The following SOX5 variants were observed in gnomAD, a reference collection of about 807,000 sequenced individuals.
SOX5 encodes SRY-box transcription factor 5, also known as transcription factor SOX-5.
In SOX5, 9 loss-of-function variants were observed where a neutral mutation model predicts 92.0. That is an observed-to-expected ratio of 0.10 (90% CI 0.06 to 0.17). The LOEUF is 0.17. SOX5 is among the 10% of genes least tolerant of loss of function. The pLI, the probability that SOX5 is intolerant of heterozygous loss-of-function variation, is 1.00. For synonymous variants in SOX5, 344 were observed against 336.3 expected (o/e 1.02, Z -0.25); for missense variants, 642 against 944.5 (o/e 0.68, Z 4.20).
chr12:24,540,680 C>T (rs534132084), intron 1 of SOX5, among the ~76,000 whole-genome samples: 6 of 152,054 alleles, frequency 3.9e-5, no homozygotes, highest in Non-Finnish European at 7.4e-5. Flanking sequence ...AAGACAATTT[C>T]GAGAGAGGAA....
chr12:24,334,975 T>C (rs1313856390), intron 2 of SOX5, among the ~76,000 whole-genome samples: 1 of 152,148 alleles, frequency 6.6e-6, no homozygotes, highest in Non-Finnish European at 1.5e-5. Context: ...TTCTCTGATA[T>C]AATGTAATTT....
rs1393052270 is a variant in SOX5 at position 23,942,627 on chromosome 12, G to A, written c.38+6937C>T. Among the ~76,000 whole-genome samples the A allele has an allele frequency of 2.0e-5, 3 of 148,074 alleles. No homozygotes were observed. In the Admixed American group the frequency reaches 2.0e-4, roughly 10 times the overall value. On this transcript the variant is annotated intron_variant, in intron 1 of 14. Transcript: ENST00000451604. The stretch of plus-strand genomic sequence containing the variant: ...CCAATTGATCTAACTCCCTTAAACT[G>A]CCAATATCAAAATCATATAAGGCTC...
At chr12:24,558,868 T>G (rs1341296696) in intron 1 of SOX5, among the ~76,000 whole-genome samples, 1 of 152,228 alleles carries the variant, frequency 6.6e-6, no homozygotes, top group Non-Finnish European at 1.5e-5. Context: ...CTGATCATAA[T>G]TGGATTAAGA....
intron 4 of SOX5, among the ~76,000 whole-genome samples, chr12:24,161,568 T>A (rs1952757372): frequency 6.6e-6 from 1 of 151,984 alleles, no homozygotes. Context: ...AATTAAGAAA[T>A]AATATTATAA....
chr12:24,353,125 C>A (rs11047385), intron 2 of SOX5, among the ~76,000 whole-genome samples: 9,109 of 152,186 alleles, frequency 0.06, 392 homozygotes, highest in Non-Finnish European at 0.087. Flanking sequence ...GTAATAAATA[C>A]CCTGCTGTAA....
intron 4 of SOX5, among the ~76,000 whole-genome samples, chr12:23,968,528 A>T (rs1232644268): frequency 6.6e-6 from 1 of 152,164 alleles, no homozygotes; most frequent in East Asian, 1.9e-4. Context: ...ATCAAAGGAC[A>T]AATCCGCCCC....
At chr12:23,886,286 T>C (rs1344653228) in intron 2 of SOX5, among the ~76,000 whole-genome samples, 1 of 152,232 alleles carries the variant, frequency 6.6e-6, no homozygotes, top group Non-Finnish European at 1.5e-5. Context: ...GACTCCCTTA[T>C]GTTATTTTTA....
intron 8 of SOX5, among the ~76,000 whole-genome samples, chr12:23,623,514 C>T (rs2077419281): frequency 1.3e-5 from 2 of 152,044 alleles, no homozygotes; most frequent in Non-Finnish European, 2.9e-5. Flanking sequence ...TACTTAGAAA[C>T]AGTGTTATTC....
chr12:24,177,329 T>A (rs931263155), intron 4 of SOX5, among the ~76,000 whole-genome samples: 3 of 152,178 alleles, frequency 2.0e-5, no homozygotes, highest in African/African-American at 7.2e-5. Context: ...CAAAGACCCC[T>A]TTTAACCACC....
chr12:24,102,753 T>C (rs1946235562), intron 4 of SOX5, among the ~76,000 whole-genome samples: 1 of 152,234 alleles, frequency 6.6e-6, no homozygotes, highest in Non-Finnish European at 1.5e-5. Flanking sequence ...CTAATTCAGT[T>C]TCACTGATGA....
chr12:23,685,659 T>C (rs1484825879), intron 6 of SOX5, among the ~76,000 whole-genome samples: 1 of 146,658 alleles, frequency 6.8e-6, no homozygotes, highest in African/African-American at 2.5e-5. Flanking sequence ...TACAGAACCC[T>C]AATTATGAAA....
rs1353534191 is a variant in SOX5, at chr12:23,640,824, T to C, written c.1005A>G (p.Pro335=). 1.2e-6 allele frequency: 2 copies of C among 1,613,454 alleles called. No homozygotes were observed. Among genetic ancestry groups the C allele is most frequent in the East Asian group, 2.2e-5 (1 of 44,864 alleles). The change falls in exon 8 of 15, where the codon CCA becomes CCG. Residue 335 remains proline, a synonymous_variant. Transcript: ENST00000451604. ...TTTCCTGACTTACCTGCAGTTGGAG[T>C]GGGCCTAAGCCTGGTGTTGCTGCGG... ...AAAAATPGLG[P]LQLQQLYAAQ...
At chr12:24,290,548 T>A (rs182690056) in intron 2 of SOX5, among the ~76,000 whole-genome samples, 1 of 152,282 alleles carries the variant, frequency 6.6e-6, no homozygotes, top group East Asian at 1.9e-4. Flanking sequence ...GCTACACAAC[T>A]GGTCAGTGTT....
chr12:24,432,879 C>T (rs1296528290), intron 1 of SOX5, among the ~76,000 whole-genome samples: 1 of 151,990 alleles, frequency 6.6e-6, no homozygotes, highest in Non-Finnish European at 1.5e-5. Context: ...AGAGTATGAT[C>T]CAACTCTTAT....
At chr12:23,663,196 G>C (rs1015200763) in intron 7 of SOX5, among the ~76,000 whole-genome samples, 1 of 152,182 alleles carries the variant, frequency 6.6e-6, no homozygotes, top group African/African-American at 2.4e-5. Context: ...CTTAGTTCTA[G>C]AGTTTGGTGT....
At chr12:24,041,704 G>A (rs1956543383) in intron 4 of SOX5, among the ~76,000 whole-genome samples, 1 of 152,036 alleles carries the variant, frequency 6.6e-6, no homozygotes, top group African/African-American at 2.4e-5. Context: ...AAACACAGGG[G>A]AAATATAAAA....
intron 2 of SOX5, among the ~76,000 whole-genome samples, chr12:24,327,001 T>C (rs1327846028): frequency 6.6e-6 from 1 of 152,202 alleles, no homozygotes; most frequent in Non-Finnish European, 1.5e-5. Context: ...GCACAGCGTC[T>C]CAGACACAGT....
rs566717103 is a variant in SOX5, at chr12:23,572,833, CAT to C, written c.1342+2826_1342+2827del. 1.9e-3 allele frequency among the ~76,000 whole-genome samples: 284 copies of C among 152,286 alleles called. 1 individual carries two copies. Among genetic ancestry groups the C allele is most frequent in the African/African-American group, 6.4e-3 (266 of 41,574 alleles). ...TTAGACTATAAGATGAAAAAGCACA[CAT>C]GTGTCTGAAACCTTTTTCAAACTTC... On this transcript the variant is annotated intron_variant, in intron 10 of 14. Coordinates refer to ENST00000451604, the MANE Select transcript of SOX5 (RefSeq NM_006940.6).
chr12:23,535,662 T>C (rs1940230842), intron 14 of SOX5, among the ~76,000 whole-genome samples: 1 of 152,198 alleles, frequency 6.6e-6, no homozygotes, highest in Non-Finnish European at 1.5e-5. Flanking sequence ...CACAGACCAC[T>C]GGACAGAGCA....
Sources: gnomAD v4.1 joint callset for allele counts (sites outside exome capture counted in the v4.1 genomes callset) on GRCh38, gnomAD v4.1.1 for gene constraint, MANE v1.5 for transcripts, NCBI Gene and HGNC (gene_info 2026-07-23, HGNC 2026-07-21) for gene names.